The following NDUFAF6 variants were observed in gnomAD, a reference collection of about 807,000 sequenced individuals.
The protein encoded by NDUFAF6 is NADH dehydrogenase (ubiquinone) complex I, assembly factor 6.
In NDUFAF6, 45 loss-of-function variants were observed where a neutral mutation model predicts 40.8. The ratio of observed to expected loss-of-function variants is 1.10; its 90% confidence interval spans 0.87 to 1.42. The LOEUF (loss-of-function observed/expected upper bound fraction) is 1.42. NDUFAF6 is among the 40% of genes most tolerant of loss of function. The pLI, the probability that NDUFAF6 is intolerant of heterozygous loss-of-function variation, is 0.00. For synonymous variants in NDUFAF6, 185 were observed against 155.9 expected (o/e 1.19, Z -1.39); for missense variants, 435 against 418.5 (o/e 1.04, Z -0.34).
intron 2 of NDUFAF6, among the ~76,000 whole-genome samples, chr8:95,086,247 C>T (rs1357218138): frequency 6.6e-6 from 1 of 152,188 alleles, no homozygotes; most frequent in Non-Finnish European, 1.5e-5. Context: ...TACCTTTAAT[C>T]GGGCTGTGAG....
At chr8:95,031,764 C>T (rs1419581391) in intron 1 of NDUFAF6, among the ~76,000 whole-genome samples, 1 of 152,138 alleles carries the variant, frequency 6.6e-6, no homozygotes, top group Non-Finnish European at 1.5e-5. Flanking sequence ...CCATGCCCGA[C>T]TAATTTTTGT....
At chr8:94,974,346 A>ACAGTGAG (rs1824746444) in intron 1 of NDUFAF6, among the ~76,000 whole-genome samples, 1 of 151,850 alleles carries the variant, frequency 6.6e-6, no homozygotes, top group Admixed American at 6.6e-5. Flanking sequence ...GCGAGGGAGG[A>ACAGTGAG]CAGTGAGTTG....
chr8:94,896,366 C>T (rs1817573843), intron 1 of NDUFAF6: 1 of 146,488 alleles, frequency 6.8e-6, no homozygotes. Flanking sequence ...GGAGGGGGGC[C>T]CGACGCTCTT....
rs1832457037 is a variant in NDUFAF6, at chr8:95,058,486, G to A, written c.*549G>A. 3 of 1,228,394 alleles carry A rather than the reference G, an allele frequency of 2.4e-6. No homozygotes were observed. The highest frequency in any genetic ancestry group is 3.0e-6 in the Non-Finnish European group (3 of 986,506). The allele number at this position is 1,228,394 out of a possible 1,614,324, so 76.1% of individuals were successfully genotyped here. A position where few individuals can be genotyped will look rare whatever the true frequency, so the allele number is the denominator to read the frequency against. On this transcript the variant is annotated 3_prime_UTR_variant, in exon 9 of 9. Coordinates refer to ENST00000396124, the MANE Select transcript of NDUFAF6 (RefSeq NM_152416.4). ...CAATCTTGTGTAAAAATTTATCCAT[G>A]ATAATAACATAACTTCTTTAAGGTT...
At chr8:95,032,233 A>G in intron 2 of NDUFAF6, 139 bp downstream of exon 2, 1 of 756,014 alleles carries the variant, frequency 1.3e-6, no homozygotes, top group Non-Finnish European at 2.3e-6. Flanking sequence ...TTTCCCTGCT[A>G]ACTGTTTAGG....
chr8:94,906,676 G>A (rs1439006689), intron 1 of NDUFAF6, among the ~76,000 whole-genome samples: 1 of 152,222 alleles, frequency 6.6e-6, no homozygotes, highest in Non-Finnish European at 1.5e-5. Context: ...AGAGCAGAGG[G>A]AGTGTCCTGG....
chr8:95,110,513 A>G (rs571945077), intron 4 of NDUFAF6, among the ~76,000 whole-genome samples: 2 of 152,326 alleles, frequency 1.3e-5, no homozygotes, highest in South Asian at 2.1e-4. Flanking sequence ...AGTGCTTTCT[A>G]TAGTCTTCAA....
At chr8:95,077,880 A>C (rs1808684324), downstream of NDUFAF6, among the ~76,000 whole-genome samples, 1 of 152,094 alleles carries the variant, frequency 6.6e-6, no homozygotes, top group Non-Finnish European at 1.5e-5. Flanking sequence ...CATGAGCCAA[A>C]GGCAAGCCAG....
Position 95,041,561 on chromosome 8 carries a change from GT to G in NDUFAF6, c.421-3del. On this transcript the variant is annotated splice_region_variant and splice_polypyrimidine_tract_variant and intron_variant, in intron 3 of 8. Coordinates refer to ENST00000396124, the MANE Select transcript of NDUFAF6 (RefSeq NM_152416.4). The stretch of plus-strand genomic sequence containing the variant: ...TTTCTAAAAACTTATAATGCTCTTT[GT>G]TTTTTAGGCTGTTAAAAGACATAAT... 6.3e-7 allele frequency: 1 copy of G among 1,589,574 alleles called. No individual in the cohort carries two copies. The highest frequency in any genetic ancestry group is 8.6e-7 in the Non-Finnish European group (1 of 1,159,266).
intron 7 of NDUFAF6, among the ~76,000 whole-genome samples, chr8:95,051,625 G>A (rs532528973): frequency 6.6e-6 from 1 of 152,188 alleles, no homozygotes; most frequent in Non-Finnish European, 1.5e-5. Context: ...AGGGAGTTAG[G>A]TTGGATGGAC....
chr8:95,059,742 G>A (rs941509853), downstream of NDUFAF6, among the ~76,000 whole-genome samples: 2 of 152,098 alleles, frequency 1.3e-5, no homozygotes, highest in Non-Finnish European at 2.9e-5. Flanking sequence ...CCAGCTACTC[G>A]GGAGGCCGAG....
At chr8:94,904,320 C>CTTTTTTTTTTTTTTTTTTTTT (rs57749627) in intron 1 of NDUFAF6, among the ~76,000 whole-genome samples, 1 of 34,136 alleles carries the variant, frequency 2.9e-5, no homozygotes, top group African/African-American at 1.5e-4. Flanking sequence ...ATTTTTTTTG[C>CTTTTTTTTTTTTTTTTTTTTT]TTTTTTTTTT....
At position 95,035,595 on chromosome 8, in the gene NDUFAF6, C is replaced by T. The variant is rs1429752961; in HGVS notation, c.420+19C>T. On this transcript the variant is annotated intron_variant, in intron 3 of 8. Transcript: ENST00000396124. ...ATGGAAGGTAAAAAAAAAAAAATAC[C>T]ACTTTTAATTTGTATGAATATTATT... is the stretch of plus-strand genomic sequence containing the variant. The T allele has an allele frequency of 1.3e-6, 2 of 1,528,142 alleles. No individual in the cohort carries two copies. Among genetic ancestry groups the T allele is most frequent in the Admixed American group, 1.7e-5 (1 of 59,512 alleles). 94.7% of individuals were successfully genotyped at this position (1,528,142 alleles called of 1,614,324 possible).
chr8:94,900,692 A>G (rs1294045823), intron 1 of NDUFAF6, among the ~76,000 whole-genome samples: 2 of 152,182 alleles, frequency 1.3e-5, no homozygotes, highest in Non-Finnish European at 2.9e-5. Flanking sequence ...AGGATATGGA[A>G]GTCACCAAGA....
upstream of NDUFAF6, among the ~76,000 whole-genome samples, chr8:94,954,755 T>A (rs947427130): frequency 6.6e-6 from 1 of 152,210 alleles, no homozygotes; most frequent in African/African-American, 2.4e-5. Flanking sequence ...TATCTGATGG[T>A]GACCTGACCA....
chr8:95,041,618 G>A lies in NDUFAF6; in HGVS notation c.469G>A (p.Asp157Asn), dbSNP rs766120751. The A allele has an allele frequency of 1.2e-5, 20 of 1,611,788 alleles. No individual in the cohort carries two copies. Among genetic ancestry groups the A allele is most frequent in the South Asian group, 2.2e-5 (2 of 91,010 alleles). Residue 157 changes from aspartate (D) to asparagine (N), a missense_variant, in exon 4 of 9, where the codon GAT (aspartate) becomes AAT (asparagine). Physicochemically the swap from Asp to Asn is conservative, Grantham distance 23. Transcript: ENST00000396124. ...TAAAAGATGGCTTATGAAAATCGTCGATGAAAGAGTGAGTCAAAATTGTTC... is the reference window on the plus strand; with the variant it reads ...TAAAAGATGGCTTATGAAAATCGTCAATGAAAGAGTGAGTCAAAATTGTTC... ...LTKRWLMKIVDEREKNLDDKA... is the reference protein window; with the variant it reads ...LTKRWLMKIVNEREKNLDDKA...
intron 2 of NDUFAF6, among the ~76,000 whole-genome samples, chr8:94,983,808 C>T (rs557653202): frequency 6.6e-5 from 10 of 152,274 alleles, no homozygotes; most frequent in African/African-American, 1.9e-4. Flanking sequence ...CTTAATCACT[C>T]ACCTGGTTTC....
chr8:94,940,160 G>T (rs1268980403), intron 1 of NDUFAF6: 1 of 1,614,114 alleles, frequency 6.2e-7, no homozygotes, highest in Admixed American at 1.7e-5. Flanking sequence ...CTCAGTAGGT[G>T]ACTCTTCACT....
At chr8:95,012,124 A>G (rs1827249933) in intron 2 of NDUFAF6, among the ~76,000 whole-genome samples, 1 of 152,202 alleles carries the variant, frequency 6.6e-6, no homozygotes, top group African/African-American at 2.4e-5. Flanking sequence ...AATCTTTTCA[A>G]CTGCAGATGG....
Sources: gnomAD v4.1 joint callset for allele counts (sites outside exome capture counted in the v4.1 genomes callset) on GRCh38, gnomAD v4.1.1 for gene constraint, MANE v1.5 for transcripts, NCBI Gene and HGNC (gene_info 2026-07-23, HGNC 2026-07-21) for gene names.